The following TYW1B variants were observed in gnomAD, a reference collection of about 807,000 sequenced individuals.
The protein encoded by TYW1B is tRNA-yW synthesizing protein 1 homolog B.
A neutral mutation model predicts 86.9 loss-of-function variants in TYW1B; 73 were observed. The ratio of observed to expected loss-of-function variants is 0.84; its 90% confidence interval spans 0.70 to 1.02. The LOEUF (loss-of-function observed/expected upper bound fraction) is 1.02, where lower values mean the gene tolerates loss of function less well. Ranked by LOEUF, TYW1B falls within the 50% of genes least tolerant of loss-of-function variation. TYW1B has a pLI of 0.00. For missense variants in TYW1B, 637 were observed against 827.4 expected, an observed-to-expected ratio of 0.77 and a Z score of 2.82; for synonymous variants, 248 against 292.8, an observed-to-expected ratio of 0.85 and a Z score of 1.56.
At chr7:72,606,561 G>A (rs1244549340) in intron 13 of TYW1B, among the ~76,000 whole-genome samples, 1 of 151,720 alleles carries the variant, frequency 6.6e-6, no homozygotes, top group Non-Finnish European at 1.5e-5. Context: ...GTCAGAAGAA[G>A]CTTAGTGGAG....
At chr7:72,605,054 A>G (rs1200157577) in intron 13 of TYW1B, among the ~76,000 whole-genome samples, 2 of 152,336 alleles carry the variant, frequency 1.3e-5, no homozygotes, top group East Asian at 3.9e-4. Flanking sequence ...TTATATCTAC[A>G]TGACAAAACT....
chr7:72,709,187 T>C (rs563447527), intron 10 of TYW1B, among the ~76,000 whole-genome samples: 3 of 152,206 alleles, frequency 2.0e-5, no homozygotes, highest in Admixed American at 6.5e-5. Context: ...CTTCTCTTTC[T>C]AGATAGGTAT....
intron 11 of TYW1B, among the ~76,000 whole-genome samples, chr7:72,681,456 A>G (rs1813872755): frequency 6.6e-6 from 1 of 152,154 alleles, no homozygotes; most frequent in East Asian, 1.9e-4. Context: ...GAAGTGCCCA[A>G]TGCAGACTGT....
At chr7:72,768,937 C>A in intron 7 of TYW1B, 1 of 362,216 alleles carries the variant, frequency 2.8e-6, no homozygotes, top group South Asian at 2.9e-5. Flanking sequence ...GTTTTTACAC[C>A]ATTAACACTT....
intron 9 of TYW1B, among the ~76,000 whole-genome samples, chr7:72,720,750 T>C (rs1786880009): frequency 6.6e-6 from 1 of 151,948 alleles, no homozygotes; most frequent in African/African-American, 2.4e-5. Flanking sequence ...TCTAAATTTC[T>C]TTATTATTAT....
chr7:72,808,191 G>A (rs556968776), intron 4 of TYW1B, among the ~76,000 whole-genome samples: 2 of 152,118 alleles, frequency 1.3e-5, no homozygotes, highest in African/African-American at 2.4e-5. Context: ...AGTGGCTCAC[G>A]CCTATAATTC....
intron 7 of TYW1B, among the ~76,000 whole-genome samples, chr7:72,750,641 T>C (rs1255061160): frequency 6.6e-6 from 1 of 152,134 alleles, no homozygotes; most frequent in Admixed American, 6.6e-5. Context: ...AATTATTTCT[T>C]CAAATACTCT....
At chr7:72,795,566 T>C (rs569616805) in intron 6 of TYW1B, among the ~76,000 whole-genome samples, 119 of 152,174 alleles carry the variant, frequency 7.8e-4, no homozygotes, top group Non-Finnish European at 1.1e-3. Context: ...AGCAGGAACA[T>C]GGGTCACATT....
chr7:72,739,094 G>A (rs1412864729), intron 8 of TYW1B, among the ~76,000 whole-genome samples: 56 of 151,952 alleles, frequency 3.7e-4, no homozygotes, highest in African/African-American at 1.3e-3. Flanking sequence ...TGATAGTATT[G>A]TGGCTATATT....
intron 11 of TYW1B, among the ~76,000 whole-genome samples, chr7:72,654,096 A>AC (rs1813142642): frequency 2.0e-5 from 3 of 151,814 alleles, no homozygotes; most frequent in Admixed American, 1.3e-4. Context: ...GAAAAAAAAA[A>AC]AAAAAAAATC....
chr7:72,676,546 C>A (rs543391170), intron 11 of TYW1B, among the ~76,000 whole-genome samples: 1 of 152,282 alleles, frequency 6.6e-6, no homozygotes, highest in African/African-American at 2.4e-5. Flanking sequence ...CATACCTGGG[C>A]AGGGTGGATT....
chr7:72,631,707 A>G (rs1229667045), intron 11 of TYW1B, among the ~76,000 whole-genome samples: 1 of 152,146 alleles, frequency 6.6e-6, no homozygotes, highest in African/African-American at 2.4e-5. Context: ...TAAGAGAATC[A>G]ACTAAAAATG....
At chr7:72,787,462 C>CAA (rs11314409) in intron 6 of TYW1B, among the ~76,000 whole-genome samples, 47 of 146,208 alleles carry the variant, frequency 3.2e-4, no homozygotes, top group African/African-American at 4.3e-4. Context: ...GACTCCATCT[C>CAA]AAAAAAAAAA....
intron 13 of TYW1B, among the ~76,000 whole-genome samples, chr7:72,576,509 CTTTTTTTTTTT>C (rs11334473): frequency 1.7e-5 from 2 of 120,088 alleles, no homozygotes; most frequent in Admixed American, 8.9e-5. Flanking sequence ...ATGCCACTGT[CTTTTTTTTTTT>C]TTTTTTTTTT....
At chr7:72,709,407 G>A (rs1256049227) in intron 10 of TYW1B, among the ~76,000 whole-genome samples, 3 of 152,164 alleles carry the variant, frequency 2.0e-5, no homozygotes, top group Non-Finnish European at 4.4e-5. Context: ...GGTGGCTCAC[G>A]CCTGTAATCC....
chr7:72,815,487 A>G lies in TYW1B; in HGVS notation c.136-6T>C. On this transcript the variant is annotated splice_polypyrimidine_tract_variant and splice_region_variant and intron_variant, in intron 2 of 13. Coordinates refer to ENST00000620995, the MANE Select transcript of TYW1B (RefSeq NM_001145440.3). ...GCAAGAACTGTTGCAAATCCCTAAT[A>G]GGACAAAAAAAAACTTCAAATAAAG... is the stretch of plus-strand genomic sequence containing the variant. 6.2e-7 allele frequency: 1 copy of G among 1,602,498 alleles called. No individual in the cohort carries two copies. The highest frequency in any genetic ancestry group is 1.1e-5 in the South Asian group (1 of 87,326).
intron 7 of TYW1B, among the ~76,000 whole-genome samples, chr7:72,773,787 G>C (rs1314760601): frequency 6.6e-6 from 1 of 152,060 alleles, no homozygotes. Flanking sequence ...AAATGGGATG[G>C]GCATGGTGGC....
intron 13 of TYW1B, among the ~76,000 whole-genome samples, chr7:72,587,084 C>G (rs1313113892): frequency 6.6e-6 from 1 of 152,156 alleles, no homozygotes; most frequent in Non-Finnish European, 1.5e-5. Flanking sequence ...TACAATCATA[C>G]TTACAAGCCA....
At chr7:72,621,168 GTC>G (rs1375661973) in intron 12 of TYW1B, among the ~76,000 whole-genome samples, 1 of 152,114 alleles carries the variant, frequency 6.6e-6, no homozygotes, top group Non-Finnish European at 1.5e-5. Context: ...CCGTCTGTCT[GTC>G]TCTCTTTCTC....
Sources: allele counts gnomAD v4.1 joint callset (sites outside exome capture counted in the v4.1 genomes callset), GRCh38; gene constraint gnomAD v4.1.1; transcripts MANE v1.5; gene names NCBI Gene and HGNC (gene_info 2026-07-23, HGNC 2026-07-21).